Variants in LRP2BP observed in about 807,000 individuals in gnomAD.
The protein encoded by LRP2BP is LRP2-binding protein.
A neutral mutation model predicts 45.2 loss-of-function variants in LRP2BP; 38 were observed. The observed-to-expected ratio is 0.84, with a 90% CI of 0.65 to 1.10. The LOEUF (loss-of-function observed/expected upper bound fraction) is 1.10. LRP2BP is among the 50% of genes least tolerant of loss of function. The pLI, the probability that LRP2BP is intolerant of heterozygous loss-of-function variation, is 0.00. For synonymous variants in LRP2BP, 153 were observed against 153.9 expected, an observed-to-expected ratio of 0.99 and a Z score of 0.04; for missense variants, 385 against 418.9, an observed-to-expected ratio of 0.92 and a Z score of 0.71.
At chr4:185,393,594 C>T (rs1269386317) in intron 1 of LRP2BP, among the ~76,000 whole-genome samples, 1 of 151,488 alleles carries the variant, frequency 6.6e-6, no homozygotes, top group African/African-American at 2.4e-5. Context: ...GGCGCAATCT[C>T]GGCTCACTGC....
rs1197819698 is a variant in LRP2BP, at chr4:185,371,540, T to TC, written c.804-727_804-726insG. On this transcript the variant is annotated intron_variant, in intron 7 of 8. Coordinates refer to ENST00000505916, the MANE Select transcript of LRP2BP (RefSeq NM_001377440.1). ...CTGGGCAACAGAGCGAGACTCCGTC[T>TC]AAAAAAAAAAAAAAAAAAAAAAAGG... Among the ~76,000 whole-genome samples, 11 of 78,304 alleles carry TC rather than the reference T, an allele frequency of 1.4e-4. 1 individual carries two copies. Among genetic ancestry groups the TC allele is most frequent in the Admixed American group, 4.8e-4 (3 of 6,294 alleles). 51.4% of individuals were successfully genotyped at this position (78,304 alleles called of 152,430 possible). A position where few individuals can be genotyped will look rare whatever the true frequency, so the allele number is the denominator to read the frequency against.
chr4:185,384,152 T>G (rs944283343), intron 1 of LRP2BP, among the ~76,000 whole-genome samples: 2 of 152,096 alleles, frequency 1.3e-5, no homozygotes, highest in Non-Finnish European at 2.9e-5. Context: ...GTTCTGCTCT[T>G]AAGGATGGGA....
chr4:185,377,996 ATTATTTCTTGTC>A lies in LRP2BP; in HGVS notation c.106+73_106+84del. The A allele has an allele frequency of 2.7e-6, 3 of 1,111,790 alleles. No individual in the cohort carries two copies. In the East Asian group the frequency reaches 7.2e-5, roughly 27 times the overall value. The allele number at this position is 1,111,790 out of a possible 1,614,324, so 68.9% of individuals were successfully genotyped here. ...CACTTCCTTGAAATCAATAAAACAC[ATTATTTCTTGTC>A]TCGTTTGCTCTAGCATGCAAAATGA... On this transcript the variant is annotated intron_variant, in intron 2 of 8. Transcript: ENST00000505916.
chr4:185,367,729 G>A (rs549833811), intron 8 of LRP2BP, among the ~76,000 whole-genome samples: 18 of 152,146 alleles, frequency 1.2e-4, no homozygotes, highest in Non-Finnish European at 2.4e-4. Context: ...CCCATTCTAT[G>A]CAGTAATTGT....
upstream of LRP2BP, chr4:185,396,852 C>T: frequency 4.6e-6 from 7 of 1,523,170 alleles, no homozygotes; most frequent in South Asian, 2.2e-5. Context: ...CGCATTCTTA[C>T]CTGTCGGGGT....
intron 8 of LRP2BP, chr4:185,370,052 T>G (rs1229993539): frequency 5.6e-6 from 1 of 177,312 alleles, no homozygotes; most frequent in Non-Finnish European, 1.2e-5. Context: ...AAAAAAAATC[T>G]AAACTTAAGA....
upstream of LRP2BP, chr4:185,396,801 T>A: frequency 9.2e-7 from 1 of 1,084,800 alleles, no homozygotes; most frequent in Non-Finnish European, 1.4e-6. Context: ...GGCCCGGAAG[T>A]CCCAGCGGTC....
Position 185,373,186 on chromosome 4 carries a change from C to T in LRP2BP, c.580-107G>A, listed in dbSNP as rs553240022. 1.7e-5 allele frequency: 18 copies of T among 1,034,554 alleles called. No homozygotes were observed. The African/African-American group carries it at 2.7e-4, about 16-fold the overall frequency. The allele number at this position is 1,034,554 out of a possible 1,614,324, so 64.1% of individuals were successfully genotyped here. A position where few individuals can be genotyped will look rare whatever the true frequency, so the allele number is the denominator to read the frequency against. ...GTGTTTCCTAGATAGCACTATTAAT[C>T]ATCTCTAGGAAAGAGCGGTAGGCCT... is the stretch of plus-strand genomic sequence containing the variant. On this transcript the variant is annotated intron_variant, in intron 6 of 8. Coordinates refer to ENST00000505916, the MANE Select transcript of LRP2BP (RefSeq NM_001377440.1).
chr4:185,396,777 G>T, upstream of LRP2BP: 1 of 831,394 alleles, frequency 1.2e-6, no homozygotes, highest in Non-Finnish European at 2.0e-6. Context: ...GCTGGGGCGC[G>T]GCTGCCAAGG....
rs759943771 is a variant in LRP2BP at position 185,373,022 on chromosome 4, G to C, written c.637C>G (p.Leu213Val). 4 of 1,613,226 alleles carry C rather than the reference G, an allele frequency of 2.5e-6. No homozygotes were observed. The highest frequency in any genetic ancestry group is 1.7e-4 in the Middle Eastern group (1 of 6,060). ...GNGNLESQGA[L>V]GLMYLYGQGI... ...TGTCCATACAAGTACATGAGCCCAA[G>C]TGCACCCTGGGACTCCAGATTCCCA... The change falls in exon 7 of 9, where the codon CTT (leucine) becomes GTT (valine). Residue 213 changes from leucine to valine, a missense_variant. Leu to Val is a conservative substitution (Grantham distance 32). Transcript: ENST00000505916.
chr4:185,372,984 C>T lies in LRP2BP; in HGVS notation c.675G>A (p.Gln225=). 1 of 1,614,024 alleles carries T rather than the reference C, an allele frequency of 6.2e-7. No homozygotes were observed. Residue 225 remains glutamine, a synonymous_variant, in exon 7 of 9, where the codon CAG becomes CAA. Transcript: ENST00000505916. ...AGCACTGCAGGGCAGCTTCCGTATC[C>T]TGCCGGATGCCTTGTCCATACAAGT... ...LMYLYGQGIR[Q]DTEAALQCLR...
chr4:185,373,425 A>G (rs1372246998), intron 6 of LRP2BP, among the ~76,000 whole-genome samples: 2 of 152,176 alleles, frequency 1.3e-5, no homozygotes, highest in Non-Finnish European at 2.9e-5. Context: ...GGCACAGCAG[A>G]GGAGGGGAAA....
At chr4:185,380,833 C>CT (rs1426891438) in intron 1 of LRP2BP, among the ~76,000 whole-genome samples, 16 of 151,808 alleles carry the variant, frequency 1.1e-4, no homozygotes, top group African/African-American at 3.1e-4. Context: ...GATTTTCCAT[C>CT]GTTTTTTTTC....
intron 8 of LRP2BP, 152 bp from the exon 9 acceptor site, chr4:185,367,397 C>T (rs1257102025): frequency 3.2e-6 from 2 of 616,056 alleles, no homozygotes; most frequent in Non-Finnish European, 5.6e-6. Flanking sequence ...TTCTGATGTC[C>T]TACTTTAACC....
chr4:185,365,206 C>T lies in LRP2BP; in HGVS notation c.*1974G>A, dbSNP rs1453077222. 1 of 152,086 alleles carries T rather than the reference C, an allele frequency of 6.6e-6. No individual in the cohort carries two copies. Among genetic ancestry groups the T allele is most frequent in the Admixed American group, 6.6e-5 (1 of 15,264 alleles). The allele number at this position is 152,086 out of a possible 1,614,324, so 9.4% of individuals were successfully genotyped here. A position where few individuals can be genotyped will look rare whatever the true frequency, so the allele number is the denominator to read the frequency against. On this transcript the variant is annotated 3_prime_UTR_variant, in exon 9 of 9. Coordinates refer to ENST00000505916, the MANE Select transcript of LRP2BP (RefSeq NM_001377440.1). ...GAGTAAACTGAAATTTTAAATTCTG[C>T]ATTGGATTTATAGAAGACATATAAG...
chr4:185,382,644 T>C (rs2095458942), intron 1 of LRP2BP, among the ~76,000 whole-genome samples: 1 of 152,270 alleles, frequency 6.6e-6, no homozygotes, highest in African/African-American at 2.4e-5. Context: ...TTACCCATTT[T>C]GCATTTGTAT....
chr4:185,378,820 C>T (rs945341601), intron 1 of LRP2BP: 6 of 985,452 alleles, frequency 6.1e-6, no homozygotes, highest in Non-Finnish European at 7.2e-6. Flanking sequence ...GGTAGTGAGA[C>T]AGCAAACTCA....
Position 185,394,861 on chromosome 4 carries a change from A to G in LRP2BP, c.-104T>C. 1 of 985,476 alleles carries G rather than the reference A, an allele frequency of 1.0e-6. No individual in the cohort carries two copies. The highest frequency in any genetic ancestry group is 1.2e-6 in the Non-Finnish European group (1 of 829,940). 61.0% of individuals were successfully genotyped at this position (985,476 alleles called of 1,614,324 possible). A position where few individuals can be genotyped will look rare whatever the true frequency, so the allele number is the denominator to read the frequency against. On this transcript the variant is annotated 5_prime_UTR_variant, in exon 1 of 9. Transcript: ENST00000505916. Reference sequence around the variant, plus strand: ...GCATCTACCAGCAATTAAAACATGTAGAATTAGCACTGCTTAGGAGAACGC... The same window carrying G: ...GCATCTACCAGCAATTAAAACATGTGGAATTAGCACTGCTTAGGAGAACGC...
At chr4:185,377,936 T>G (rs1349399458) in intron 2 of LRP2BP, 145 bp downstream of exon 2, 2 of 653,468 alleles carry the variant, frequency 3.1e-6, no homozygotes, top group Non-Finnish European at 5.0e-6. Context: ...TTTCACAGAT[T>G]CTTGCGGGAA....
Sources: gnomAD v4.1 joint callset for allele counts (sites outside exome capture counted in the v4.1 genomes callset) on GRCh38, gnomAD v4.1.1 for gene constraint, MANE v1.5 for transcripts, NCBI Gene and HGNC (gene_info 2026-07-23, HGNC 2026-07-21) for gene names.